The following LIMS1 variants were observed in gnomAD, a reference collection of about 807,000 sequenced individuals.
LIMS1 encodes the protein LIM and senescent cell antigen-like-containing domain protein 1.
In LIMS1, 18 loss-of-function variants were observed where a neutral mutation model predicts 44.1. That is an observed-to-expected ratio of 0.41 (90% CI 0.28 to 0.61). The LOEUF is 0.61. Ranked by LOEUF, LIMS1 falls within the 20% of genes least tolerant of loss-of-function variation. LIMS1 has a pLI of 0.32. For missense variants in LIMS1, 201 were observed against 422.0 expected (o/e 0.48, Z 4.59); for synonymous variants, 93 against 149.1 (o/e 0.62, Z 2.74).
chr2:108,554,221 A>T (rs763888607), intron 1 of LIMS1, among the ~76,000 whole-genome samples: 3 of 152,188 alleles, frequency 2.0e-5, no homozygotes, highest in Non-Finnish European at 4.4e-5. Context: ...TGGTGGGGTC[A>T]GTGGTATTGA....
chr2:108,534,389 G>T (rs1257812326), exon 1 of LIMS1: 1 of 299,872 alleles, frequency 3.3e-6, no homozygotes, highest in African/African-American at 2.3e-5. Flanking sequence ...TTCCCGCGCG[G>T]CCCGCCTCGC....
At chr2:108,560,656 T>C (rs1178433458) in intron 1 of LIMS1, among the ~76,000 whole-genome samples, 1 of 151,964 alleles carries the variant, frequency 6.6e-6, no homozygotes, top group Non-Finnish European at 1.5e-5. Context: ...AAATGTCTCT[T>C]TGTTCACTGC....
exon 10 of LIMS1, chr2:108,685,967 A>C (rs1693274180): frequency 6.6e-6 from 1 of 152,200 alleles, no homozygotes; most frequent in South Asian, 2.1e-4. Context: ...TTTACATATC[A>C]GGCATACCCA....
chr2:108,621,416 G>T, intron 1 of LIMS1: 1 of 1,551,154 alleles, frequency 6.4e-7, no homozygotes, highest in Non-Finnish European at 8.7e-7. Context: ...AGACGAGATC[G>T]CCCCGATAGT....
intron 1 of LIMS1, among the ~76,000 whole-genome samples, chr2:108,603,495 C>T (rs1250949315): frequency 6.8e-5 from 6 of 88,220 alleles, no homozygotes; most frequent in South Asian, 7.9e-4. Flanking sequence ...TTTTCATCGC[C>T]TTTTTTTTTT....
intron 9 of LIMS1, among the ~76,000 whole-genome samples, chr2:108,682,684 A>G (rs531872411): frequency 3.3e-5 from 5 of 152,300 alleles, no homozygotes; most frequent in Admixed American, 1.3e-4. Flanking sequence ...AAGATTTTTC[A>G]TTTTAGATAT....
chr2:108,583,210 T>TG, intron 1 of LIMS1, among the ~76,000 whole-genome samples: 1 of 132,504 alleles, frequency 7.5e-6, no homozygotes, highest in East Asian at 2.2e-4. Context: ...TGTTTGTATT[T>TG]TTTTTTTTTT....
chr2:108,635,601 T>C (rs1388533448), intron 1 of LIMS1, among the ~76,000 whole-genome samples: 4 of 150,180 alleles, frequency 2.7e-5, no homozygotes, highest in African/African-American at 9.8e-5. Context: ...CTTGGGAGGC[T>C]GAGGCAGAGA....
At chr2:108,588,450 A>C in intron 1 of LIMS1, 1 of 985,556 alleles carries the variant, frequency 1.0e-6, no homozygotes, top group South Asian at 4.7e-5. Context: ...AGTAGGAGCC[A>C]GGAGGGAGGT....
At chr2:108,667,822 A>G (rs1314191097) in intron 2 of LIMS1, among the ~76,000 whole-genome samples, 2 of 152,132 alleles carry the variant, frequency 1.3e-5, no homozygotes, top group Non-Finnish European at 1.5e-5. Context: ...CATATAACCT[A>G]TGCACATCCT....
At chr2:108,630,736 GTC>G (rs1688869229) in intron 1 of LIMS1, among the ~76,000 whole-genome samples, 1 of 152,150 alleles carries the variant, frequency 6.6e-6, no homozygotes, top group African/African-American at 2.4e-5. Context: ...CTACCTGTGT[GTC>G]TGTTGGGATA....
intron 1 of LIMS1, among the ~76,000 whole-genome samples, chr2:108,583,343 C>G (rs9631041): frequency 0.051 from 7,648 of 151,398 alleles, 276 homozygotes; most frequent in South Asian, 0.15. Flanking sequence ...ACGCCTGGCC[C>G]AAAGGGTTTT....
intron 1 of LIMS1, among the ~76,000 whole-genome samples, chr2:108,573,798 G>A (rs898180120): frequency 2.0e-5 from 3 of 152,140 alleles, no homozygotes; most frequent in African/African-American, 7.2e-5. Flanking sequence ...AGTAGGCAAC[G>A]ATTACACATT....
intron 1 of LIMS1, among the ~76,000 whole-genome samples, chr2:108,598,493 G>A (rs2718730): frequency 0.77 from 117,576 of 151,892 alleles, 46,308 homozygotes; most frequent in East Asian, 1. Flanking sequence ...TTGCAGATAT[G>A]AGGCCAGTGA....
intron 1 of LIMS1, chr2:108,607,032 C>T: frequency 1.7e-6 from 1 of 589,840 alleles, no homozygotes. Context: ...CTTCTAACCC[C>T]AAAGTAAGAG....
chr2:108,633,698 C>A (rs1346204895), intron 1 of LIMS1, among the ~76,000 whole-genome samples: 1 of 152,202 alleles, frequency 6.6e-6, no homozygotes, highest in Non-Finnish European at 1.5e-5. Flanking sequence ...TTGGTTGGCC[C>A]AGAGTCATAC....
chr2:108,677,617 C>T, intron 7 of LIMS1: 1 of 238,888 alleles, frequency 4.2e-6, no homozygotes, highest in African/African-American at 2.3e-5. Context: ...GCAAACGACA[C>T]TTCTCCAGCC....
chr2:108,611,632 C>T (rs534954694), intron 1 of LIMS1, among the ~76,000 whole-genome samples: 3 of 152,106 alleles, frequency 2.0e-5, no homozygotes, highest in Admixed American at 6.5e-5. Flanking sequence ...GTAATCCCAG[C>T]TCTGTGGGAG....
chr2:108,534,447 C>T (rs868669321), exon 1 of LIMS1: 1 of 829,974 alleles, frequency 1.2e-6, no homozygotes, highest in Non-Finnish European at 1.6e-6. Context: ...TGGCCTTCCT[C>T]CCCTTCCTGC....
Sources: gnomAD v4.1 joint callset for allele counts (sites outside exome capture counted in the v4.1 genomes callset) on GRCh38, gnomAD v4.1.1 for gene constraint, MANE v1.5 for transcripts, NCBI Gene and HGNC (gene_info 2026-07-23, HGNC 2026-07-21) for gene names.